The following CLXN variants were observed in gnomAD, a reference collection of about 807,000 sequenced individuals.
CLXN encodes EF-hand calcium binding domain 1.
chr8:48,731,727 A>G, the CLXN span, among the ~76,000 whole-genome samples: 12 of 152,048 alleles, frequency 7.9e-5, no homozygotes, highest in Admixed American at 5.2e-4. Context: ...AAAAAATACG[A>G]TAGTATTAGC....
At chr8:48,712,113 A>G in the CLXN span, 1 of 152,230 alleles carries the variant, frequency 6.6e-6, no homozygotes, top group African/African-American at 2.4e-5. Context: ...CAGACTTCCC[A>G]GTGCTTTTGG....
chr8:48,732,753 T>C, the CLXN span, among the ~76,000 whole-genome samples: 1 of 152,194 alleles, frequency 6.6e-6, no homozygotes, highest in Non-Finnish European at 1.5e-5. Context: ...ATGTGGTGTA[T>C]TCATACAATG....
chr8:48,735,120 T>G, the CLXN span: 1 of 1,614,016 alleles, frequency 6.2e-7, no homozygotes, highest in Non-Finnish European at 8.5e-7. Flanking sequence ...GGTTAAGGTG[T>G]CCGTCAGCTT....
the CLXN span, among the ~76,000 whole-genome samples, chr8:48,726,268 T>C: frequency 1.5e-5 from 2 of 134,298 alleles, no homozygotes; most frequent in South Asian, 2.6e-4. Flanking sequence ...ATCATCTATC[T>C]ATCCATCCAT....
the CLXN span, chr8:48,730,684 A>G: frequency 0.82 from 1,001,174 of 1,216,270 alleles, 413,296 homozygotes; most frequent in South Asian, 0.88. Flanking sequence ...TGTCCTGCAT[A>G]ATAACTCTCA....
At chr8:48,728,301 T>C in the CLXN span, among the ~76,000 whole-genome samples, 2 of 152,222 alleles carry the variant, frequency 1.3e-5, no homozygotes, top group Non-Finnish European at 2.9e-5. Flanking sequence ...TATCTCTCTC[T>C]GTCTCTCTTT....
At chr8:48,731,461 T>C in the CLXN span, 1 of 1,612,984 alleles carries the variant, frequency 6.2e-7, no homozygotes, top group East Asian at 2.2e-5. Context: ...TCCCACCAAG[T>C]CATAAAAAAG....
the CLXN span, among the ~76,000 whole-genome samples, chr8:48,734,139 A>C: frequency 6.6e-6 from 1 of 152,220 alleles, no homozygotes; most frequent in Non-Finnish European, 1.5e-5. Flanking sequence ...AATGATAATT[A>C]GAATGCACTA....
At chr8:48,733,772 C>A in the CLXN span, among the ~76,000 whole-genome samples, 1 of 152,108 alleles carries the variant, frequency 6.6e-6, no homozygotes, top group South Asian at 2.1e-4. Flanking sequence ...TGATTGTTCA[C>A]AGAATGATTG....
chr8:48,734,860 G>T, the CLXN span, among the ~76,000 whole-genome samples: 4 of 152,092 alleles, frequency 2.6e-5, no homozygotes, highest in Non-Finnish European at 5.9e-5. Flanking sequence ...TGCATGTGTG[G>T]GAGTGTAGGT....
the CLXN span, among the ~76,000 whole-genome samples, chr8:48,723,029 G>A: frequency 2.0e-5 from 3 of 152,114 alleles, no homozygotes; most frequent in Non-Finnish European, 4.4e-5. Context: ...GTTGGTAAAA[G>A]GCTACAAAAT....
chr8:48,728,958 T>C, the CLXN span: 1 of 892,784 alleles, frequency 1.1e-6, no homozygotes, highest in Non-Finnish European at 1.7e-6. Context: ...AGGATTTGTC[T>C]GATCCACTAC....
the CLXN span, chr8:48,731,398 T>C: frequency 6.2e-7 from 1 of 1,613,520 alleles, no homozygotes; most frequent in Non-Finnish European, 8.5e-7. Flanking sequence ...ATGCAGGATG[T>C]TTCGAAATGC....
the CLXN span, among the ~76,000 whole-genome samples, chr8:48,712,905 C>T: frequency 6.7e-6 from 1 of 148,534 alleles, no homozygotes; most frequent in Non-Finnish European, 1.5e-5. Context: ...AAGGCTGAGG[C>T]AGGAGAATCG....
the CLXN span, among the ~76,000 whole-genome samples, chr8:48,732,207 A>C: frequency 2.0e-5 from 3 of 152,180 alleles, no homozygotes; most frequent in Non-Finnish European, 2.9e-5. Context: ...TCCAATCCCC[A>C]TTTGAGAATG....
the CLXN span, chr8:48,715,562 C>G: frequency 6.6e-6 from 1 of 152,232 alleles, no homozygotes; most frequent in African/African-American, 2.4e-5. Context: ...AGTCCAGTAG[C>G]CTTTGCCACT....
At chr8:48,725,662 G>A in the CLXN span, among the ~76,000 whole-genome samples, 1 of 152,012 alleles carries the variant, frequency 6.6e-6, no homozygotes, top group Non-Finnish European at 1.5e-5. Flanking sequence ...AAATTATCCG[G>A]GCGTGGTGGC....
At chr8:48,734,973 G>T in the CLXN span, 22 of 1,129,544 alleles carry the variant, frequency 1.9e-5, no homozygotes, top group Admixed American at 2.8e-4. Flanking sequence ...GTGGAGGGGC[G>T]GTAGGTAGCC....
the CLXN span, among the ~76,000 whole-genome samples, chr8:48,720,491 T>A: frequency 6.6e-6 from 1 of 152,290 alleles, no homozygotes; most frequent in Non-Finnish European, 1.5e-5. Context: ...TCTCCTGCAG[T>A]ACTCCTCAGG....
Sources: allele counts gnomAD v4.1 joint callset (sites outside exome capture counted in the v4.1 genomes callset), GRCh38; gene constraint gnomAD v4.1.1; transcripts MANE v1.5; gene names NCBI Gene and HGNC (gene_info 2026-07-23, HGNC 2026-07-21).